SEMA3A: variants seen among roughly 807,000 people sequenced by gnomAD.
The protein encoded by SEMA3A is semaphorin 3A.
SEMA3A carries 29 observed loss-of-function variants against 97.9 expected under a neutral mutation model. The ratio of observed to expected loss-of-function variants is 0.30; its 90% CI spans 0.22 to 0.40. The LOEUF (loss-of-function observed/expected upper bound fraction) is 0.40. Ranked by LOEUF, SEMA3A falls within the 10% of genes least tolerant of loss-of-function variation. SEMA3A has a pLI of 1.00. For missense variants in SEMA3A, 763 were observed against 951.3 expected (o/e 0.80, Z 2.60); for synonymous variants, 321 against 323.7 (o/e 0.99, Z 0.09).
rs758911716 is a variant in SEMA3A at position 84,007,416 on chromosome 7, C to T, written c.1077G>A (p.Arg359=). 1.2e-6 allele frequency: 2 copies of T among 1,609,152 alleles called. No individual in the cohort carries two copies. The highest frequency in any genetic ancestry group is 1.3e-5 in the African/African-American group (1 of 74,686). ...RRVFLGPYAH[R]DGPNYQWVPY... Reference sequence around the variant, plus strand: ...GCACCCATTGATAGTTGGGTCCATCCCTGTGGGCATATGGACCAAGGAACA... The same window carrying T: ...GCACCCATTGATAGTTGGGTCCATCTCTGTGGGCATATGGACCAAGGAACA... Residue 359 remains arginine (R), a synonymous_variant, in exon 10 of 17, where the codon AGG becomes AGA. Transcript: ENST00000265362.
At chr7:84,185,584 AG>A (rs1584098387) in intron 1 of SEMA3A, among the ~76,000 whole-genome samples, 1 of 151,504 alleles carries the variant, frequency 6.6e-6, no homozygotes, top group East Asian at 2.0e-4. Flanking sequence ...CCAGCTACTC[AG>A]GAGTCTGAGG....
At chr7:84,492,683 C>T (rs2116456855) in exon 1 of SEMA3A, 1 of 152,038 alleles carries the variant, frequency 6.6e-6, no homozygotes, top group Admixed American at 6.6e-5. Context: ...TGAGGCTCTA[C>T]CATTTCACCT....
intron 2 of SEMA3A, among the ~76,000 whole-genome samples, chr7:84,316,123 T>C (rs1253683491): frequency 7.3e-5 from 7 of 95,974 alleles, no homozygotes; most frequent in African/African-American, 3.1e-4. Context: ...ATAGGAAGAC[T>C]CTATCTCAAA....
intron 3 of SEMA3A, among the ~76,000 whole-genome samples, chr7:84,115,012 G>T (rs575702617): frequency 6.6e-6 from 1 of 152,062 alleles, no homozygotes; most frequent in Non-Finnish European, 1.5e-5. Flanking sequence ...TGTCCATTTT[G>T]GGAGGCATTT....
At chr7:84,463,100 C>T (rs1805893933) in intron 1 of SEMA3A, among the ~76,000 whole-genome samples, 1 of 152,066 alleles carries the variant, frequency 6.6e-6, no homozygotes, top group African/African-American at 2.4e-5. Context: ...ACTGAATCAG[C>T]AGTTCAACTG....
chr7:84,223,570 A>G (rs150155908), intron 3 of SEMA3A, among the ~76,000 whole-genome samples: 15 of 152,036 alleles, frequency 9.9e-5, no homozygotes, highest in African/African-American at 2.9e-4. Context: ...CTTATGTTTC[A>G]AAATTCAACT....
chr7:83,970,000 C>A (rs1009287089), intron 15 of SEMA3A, among the ~76,000 whole-genome samples: 6 of 152,120 alleles, frequency 3.9e-5, no homozygotes, highest in African/African-American at 1.2e-4. Context: ...TGCATACAAA[C>A]TTTTGTCATG....
chr7:84,431,306 C>T (rs765970182), intron 1 of SEMA3A, among the ~76,000 whole-genome samples: 7 of 151,968 alleles, frequency 4.6e-5, no homozygotes, highest in Non-Finnish European at 8.8e-5. Context: ...ATTGAAAGGG[C>T]AATTTCGTTT....
intron 4 of SEMA3A, among the ~76,000 whole-genome samples, chr7:84,084,954 C>A (rs568296674): frequency 1.3e-5 from 2 of 151,348 alleles, no homozygotes; most frequent in Non-Finnish European, 3.0e-5. Flanking sequence ...CTTAGCTTTA[C>A]AGTTGATTAC....
intron 2 of SEMA3A, among the ~76,000 whole-genome samples, chr7:84,353,171 T>C (rs1802475431): frequency 6.6e-6 from 1 of 151,722 alleles, no homozygotes; most frequent in African/African-American, 2.4e-5. Flanking sequence ...GTTTAGAAAA[T>C]AATGACAAGA....
chr7:84,329,196 G>A (rs1414838159), intron 2 of SEMA3A, among the ~76,000 whole-genome samples: 1 of 151,926 alleles, frequency 6.6e-6, no homozygotes, highest in Non-Finnish European at 1.5e-5. Context: ...GTAACATTAT[G>A]TATAAAGGCA....
At chr7:84,185,112 A>G (rs912312868) in intron 1 of SEMA3A, among the ~76,000 whole-genome samples, 3 of 152,234 alleles carry the variant, frequency 2.0e-5, no homozygotes, top group Non-Finnish European at 2.9e-5. Context: ...AAATAACGGT[A>G]TATGACTTTT....
At chr7:84,055,595 C>T (rs1317610485) in intron 5 of SEMA3A, among the ~76,000 whole-genome samples, 2 of 152,172 alleles carry the variant, frequency 1.3e-5, no homozygotes, top group African/African-American at 4.8e-5. Flanking sequence ...CTGACCTGCG[C>T]CCACTGTCTG....
chr7:84,244,313 C>T (rs981350980), intron 3 of SEMA3A, among the ~76,000 whole-genome samples: 1 of 152,164 alleles, frequency 6.6e-6, no homozygotes, highest in African/African-American at 2.4e-5. Flanking sequence ...GTTAGCTCTT[C>T]TTGTTGCATG....
At chr7:84,054,836 T>C (rs1329720917) in intron 5 of SEMA3A, among the ~76,000 whole-genome samples, 5 of 149,518 alleles carry the variant, frequency 3.3e-5, no homozygotes, top group Non-Finnish European at 6.0e-5. Context: ...TTTGTGGTTT[T>C]ATCTACTTTT....
intron 2 of SEMA3A, among the ~76,000 whole-genome samples, chr7:84,313,555 T>C (rs1048136163): frequency 2.0e-5 from 3 of 151,162 alleles, no homozygotes; most frequent in Non-Finnish European, 4.4e-5. Flanking sequence ...CTCTTTGAAA[T>C]ATTATGTATG....
rs543891968 is a variant in SEMA3A at position 83,982,070 on chromosome 7, G to A, written c.1495-592C>T. Among the ~76,000 whole-genome samples, 16 of 152,144 alleles carry A rather than the reference G, an allele frequency of 1.1e-4. No homozygotes were observed. The South Asian group carries it at 2.1e-3, about 20-fold the overall frequency. On this transcript the variant is annotated intron_variant, in intron 13 of 16. Coordinates refer to ENST00000265362, the MANE Select transcript of SEMA3A (RefSeq NM_006080.3). Reference sequence around the variant, plus strand: ...CTACTAAATTACTACCCTTCAAAACGTCTTTGAAAAGAGGCACTAAGTACA... The same window carrying A: ...CTACTAAATTACTACCCTTCAAAACATCTTTGAAAAGAGGCACTAAGTACA...
intron 1 of SEMA3A, among the ~76,000 whole-genome samples, chr7:84,420,815 T>G (rs1804569835): frequency 6.6e-6 from 1 of 152,154 alleles, no homozygotes; most frequent in Admixed American, 6.6e-5. Flanking sequence ...AGTTTGTATT[T>G]CTGTGGGATC....
intron 1 of SEMA3A, among the ~76,000 whole-genome samples, chr7:84,469,841 T>C (rs1806102923): frequency 6.6e-6 from 1 of 152,010 alleles, no homozygotes; most frequent in Non-Finnish European, 1.5e-5. Context: ...AAGGAGTTCT[T>C]ACATATAATA....
Sources: allele counts gnomAD v4.1 joint callset (sites outside exome capture counted in the v4.1 genomes callset), GRCh38; gene constraint gnomAD v4.1.1; transcripts MANE v1.5; gene names NCBI Gene and HGNC (gene_info 2026-07-23, HGNC 2026-07-21).